CFAP299: variants seen among roughly 807,000 people sequenced by gnomAD.
CFAP299 encodes the protein cilia and flagella associated protein 299.
A neutral mutation model predicts 27.0 loss-of-function variants in CFAP299; 21 were observed. That is an observed-to-expected ratio of 0.78 (90% confidence interval 0.55 to 1.12). CFAP299 has a LOEUF of 1.12. Among genes scored for constraint, CFAP299 ranks in the 50% most tolerant of loss-of-function variants. The probability of loss-of-function intolerance (pLI) is 0.00; values close to 1 mark genes in which losing one functional copy is unlikely to be tolerated. For synonymous variants in CFAP299, 104 were observed against 98.1 expected (o/e 1.06, Z -0.36); for missense variants, 310 against 276.6 (o/e 1.12, Z -0.86).
At chr4:80,581,475 T>C (rs924991622) in intron 2 of CFAP299, among the ~76,000 whole-genome samples, 3 of 138,606 alleles carry the variant, frequency 2.2e-5, no homozygotes, top group Admixed American at 7.1e-5. Flanking sequence ...TATATATATA[T>C]ATATATATAT....
rs1333393669 is a variant in CFAP299 at position 80,434,946 on chromosome 4, AC to A, written c.242+72063del. Among the ~76,000 whole-genome samples, 17 of 152,306 alleles carry A rather than the reference AC, an allele frequency of 1.1e-4. 1 individual carries two copies. The highest frequency in any genetic ancestry group is 3.8e-4 in the African/African-American group (16 of 41,586). On this transcript the variant is annotated intron_variant, in intron 2 of 5. Coordinates refer to ENST00000358105, the MANE Select transcript of CFAP299 (RefSeq NM_152770.3). ...AAAGCAGCAGAATCTCAAAGTGTTG[AC>A]TGCTTTTGCTCTTTTAGTGAAATCT...
Position 80,688,054 on chromosome 4 carries a change from C to T in CFAP299, c.333+104871C>T, listed in dbSNP as rs190680434. ...GGAGGGTCCTACACCCACGGAGTCT[C>T]GCTGATTGGTAGCACAGCAGTCTGA... On this transcript the variant is annotated intron_variant, in intron 3 of 5. Transcript: ENST00000358105. 9.2e-5 allele frequency among the ~76,000 whole-genome samples: 14 copies of T among 152,316 alleles called. No individual in the cohort carries two copies. The East Asian group carries it at 1.9e-3, about 21-fold the overall frequency.
intron 2 of CFAP299, among the ~76,000 whole-genome samples, chr4:80,487,321 T>C (rs1730869686): frequency 6.6e-6 from 1 of 152,216 alleles, no homozygotes; most frequent in Admixed American, 6.5e-5. Flanking sequence ...TCTCAGCAGG[T>C]ATTTTAATTC....
At chr4:80,344,210 C>G (rs1219377791) in intron 1 of CFAP299, among the ~76,000 whole-genome samples, 2 of 151,396 alleles carry the variant, frequency 1.3e-5, no homozygotes, top group Non-Finnish European at 2.9e-5. Flanking sequence ...AATCCAGGAA[C>G]TAGTTTTTTG....
intron 5 of CFAP299, among the ~76,000 whole-genome samples, chr4:80,946,080 G>C (rs1737457663): frequency 6.8e-6 from 1 of 146,452 alleles, no homozygotes; most frequent in Non-Finnish European, 1.5e-5. Context: ...TTGAACCTGA[G>C]AGGCAGAACT....
At chr4:80,493,513 G>A (rs1731250688) in intron 2 of CFAP299, among the ~76,000 whole-genome samples, 1 of 152,166 alleles carries the variant, frequency 6.6e-6, no homozygotes, top group African/African-American at 2.4e-5. Context: ...CAGGTGATCA[G>A]AATGAGTTAG....
chr4:80,932,720 A>G (rs1736682212), intron 4 of CFAP299, among the ~76,000 whole-genome samples: 1 of 152,188 alleles, frequency 6.6e-6, no homozygotes, highest in Non-Finnish European at 1.5e-5. Context: ...AGCATTTTAC[A>G]GAAACATTGA....
intron 2 of CFAP299, among the ~76,000 whole-genome samples, chr4:80,579,229 A>G (rs982528725): frequency 2.6e-5 from 4 of 152,164 alleles, no homozygotes; most frequent in African/African-American, 9.7e-5. Context: ...TTCAGTCATT[A>G]TATTGCATTC....
At chr4:80,468,653 G>A (rs1295020684) in intron 2 of CFAP299, among the ~76,000 whole-genome samples, 1 of 151,482 alleles carries the variant, frequency 6.6e-6, no homozygotes, top group Non-Finnish European at 1.5e-5. Flanking sequence ...TGGCCAATAT[G>A]GTGAAACCCC....
intron 2 of CFAP299, among the ~76,000 whole-genome samples, chr4:80,579,574 TAA>T (rs1185933420): frequency 6.6e-6 from 1 of 152,142 alleles, no homozygotes; most frequent in Admixed American, 6.6e-5. Flanking sequence ...AGCAAAATAT[TAA>T]GAGTCCCATC....
intron 3 of CFAP299, among the ~76,000 whole-genome samples, chr4:80,855,248 T>G (rs1731779329): frequency 6.6e-6 from 1 of 152,276 alleles, no homozygotes; most frequent in South Asian, 2.1e-4. Flanking sequence ...GGTGTGTTTC[T>G]GAAGTTAGTA....
At chr4:80,420,928 G>A (rs1358230504) in intron 2 of CFAP299, among the ~76,000 whole-genome samples, 1 of 152,130 alleles carries the variant, frequency 6.6e-6, no homozygotes, top group African/African-American at 2.4e-5. Flanking sequence ...TCACTGTGCT[G>A]CACAAAAGGC....
At chr4:80,588,730 T>C (rs1208615778) in intron 3 of CFAP299, among the ~76,000 whole-genome samples, 1 of 143,986 alleles carries the variant, frequency 6.9e-6, no homozygotes. Flanking sequence ...TTATACTTAA[T>C]TAAGACAATT....
rs1421324830 is a variant in CFAP299 at position 80,782,622 on chromosome 4, T to C, written c.334-87371T>C. Among the ~76,000 whole-genome samples the C allele has an allele frequency of 6.8e-4, 69 of 101,352 alleles. 2 individuals are homozygous for C. The East Asian group carries it at 8.9e-3, about 13-fold the overall frequency. The allele number at this position is 101,352 out of a possible 152,430, so 66.5% of individuals were successfully genotyped here. A position where few individuals can be genotyped will look rare whatever the true frequency, so the allele number is the denominator to read the frequency against. On this transcript the variant is annotated intron_variant, in intron 3 of 5. Transcript: ENST00000358105. ...ATAATATACATATATTAATATATAA[T>C]ATATTCATATATAATATACATATAT...
intron 2 of CFAP299, among the ~76,000 whole-genome samples, chr4:80,479,828 A>C (rs1481632189): frequency 6.6e-6 from 1 of 152,104 alleles, no homozygotes; most frequent in South Asian, 2.1e-4. Context: ...AGATAGAAAA[A>C]ATCTTTATAT....
At chr4:80,416,948 A>G (rs1045751536) in intron 2 of CFAP299, among the ~76,000 whole-genome samples, 3 of 152,218 alleles carry the variant, frequency 2.0e-5, no homozygotes, top group African/African-American at 7.2e-5. Flanking sequence ...GTAAAGTGAA[A>G]GCAAGTTTAT....
intron 2 of CFAP299, among the ~76,000 whole-genome samples, chr4:80,433,865 G>A (rs1389312777): frequency 6.6e-6 from 1 of 152,122 alleles, no homozygotes; most frequent in Non-Finnish European, 1.5e-5. Context: ...TTTGTAACCA[G>A]TATCATCAGG....
chr4:80,362,522 T>TG (rs1297580421), intron 1 of CFAP299, among the ~76,000 whole-genome samples: 1 of 151,666 alleles, frequency 6.6e-6, no homozygotes, highest in African/African-American at 2.4e-5. Flanking sequence ...TGACATTTTT[T>TG]TTTCATCTTA....
rs1225998935 is a variant in CFAP299 at position 80,891,287 on chromosome 4, A to G, written c.476+21152A>G. Among the ~76,000 whole-genome samples the G allele has an allele frequency of 3.3e-5, 5 of 151,088 alleles. No individual in the cohort carries two copies. The East Asian group carries it at 1.0e-3, about 30-fold the overall frequency. ...TTCAGCTTTCTACATATGGCTAGCC[A>G]GTTTTCCCAGCACCATTTATTAAAT... On this transcript the variant is annotated intron_variant, in intron 4 of 5. Transcript: ENST00000358105.
Sources: gnomAD v4.1 joint callset for allele counts (sites outside exome capture counted in the v4.1 genomes callset) on GRCh38, gnomAD v4.1.1 for gene constraint, MANE v1.5 for transcripts, NCBI Gene and HGNC (gene_info 2026-07-23, HGNC 2026-07-21) for gene names.